ITPR2: variants seen among roughly 807,000 people sequenced by gnomAD.
ITPR2 encodes the protein inositol 1,4,5-trisphosphate receptor type 2.
In ITPR2, 207 loss-of-function variants were observed where a neutral mutation model predicts 317.1. The ratio of observed to expected loss-of-function variants is 0.65; its 90% CI spans 0.58 to 0.73. The LOEUF (loss-of-function observed/expected upper bound fraction) is 0.73, where lower values mean the gene tolerates loss of function less well. Ranked by LOEUF, ITPR2 falls within the 30% of genes least tolerant of loss-of-function variation. The probability of loss-of-function intolerance (pLI) is 0.00; values close to 1 mark genes in which losing one functional copy is unlikely to be tolerated. For synonymous variants in ITPR2, 1,156 were observed against 1,149.1 expected (o/e 1.01, Z -0.12); for missense variants, 2,613 against 3,284.0 (o/e 0.80, Z 4.99).
At chr12:26,789,064 G>T (rs1355788230) in intron 2 of ITPR2, among the ~76,000 whole-genome samples, 2 of 152,146 alleles carry the variant, frequency 1.3e-5, no homozygotes, top group Non-Finnish European at 1.5e-5. Context: ...CTTGCCCAGG[G>T]TTAGGAGAGT....
At chr12:26,383,771 C>G (rs1377102113) in intron 55 of ITPR2, among the ~76,000 whole-genome samples, 2 of 151,658 alleles carry the variant, frequency 1.3e-5, no homozygotes, top group Non-Finnish European at 1.5e-5. Flanking sequence ...GCTGGGATTA[C>G]AGGCGTGAGC....
In ITPR2 at chr12:26,499,227, G is replaced by A. The variant is rs1025132687; in HGVS notation, c.5074-3967C>T. 9.2e-5 allele frequency among the ~76,000 whole-genome samples: 14 copies of A among 152,000 alleles called. No individual in the cohort carries two copies. In the East Asian group the frequency reaches 1.2e-3, roughly 13 times the overall value. On this transcript the variant is annotated intron_variant, in intron 37 of 56. Coordinates refer to ENST00000381340, the MANE Select transcript of ITPR2 (RefSeq NM_002223.4). ...TTGTGATTATTTTTAAATTCTCTTC[G>A]GCAGATATAATCACAGTGCCTATCA...
At chr12:26,340,099 T>C (rs1326818575) in intron 56 of ITPR2, 68 bp downstream of exon 56, 3 of 1,443,684 alleles carry the variant, frequency 2.1e-6, no homozygotes, top group Non-Finnish European at 2.8e-6. Flanking sequence ...CTGGACCCTC[T>C]GTCTCCCCTC....
At position 26,340,464 on chromosome 12, in the gene ITPR2, G is replaced by C. The variant is rs567909489; in HGVS notation, c.7858-136C>G. The C allele has an allele frequency of 1.1e-4, 97 of 896,622 alleles. No individual in the cohort carries two copies. In the African/African-American group the frequency reaches 1.4e-3, roughly 13 times the overall value. The allele number at this position is 896,622 out of a possible 1,614,324, so 55.5% of individuals were successfully genotyped here. A position where few individuals can be genotyped will look rare whatever the true frequency, so the allele number is the denominator to read the frequency against. On this transcript the variant is annotated intron_variant, in intron 55 of 56. Coordinates refer to ENST00000381340, the MANE Select transcript of ITPR2 (RefSeq NM_002223.4). Reference sequence around the variant, plus strand: ...GGAGAGAGAAAACCTGGCATAGGGAGGGGCTGAAGTAGGGCTTAGACACTG... The same window carrying C: ...GGAGAGAGAAAACCTGGCATAGGGACGGGCTGAAGTAGGGCTTAGACACTG...
At chr12:26,624,869 A>G (rs1946584594) in intron 23 of ITPR2, among the ~76,000 whole-genome samples, 1 of 152,224 alleles carries the variant, frequency 6.6e-6, no homozygotes, top group African/African-American at 2.4e-5. Context: ...TTGTATGTCA[A>G]AGAGATATCT....
chr12:26,800,614 G>A (rs985598152), intron 1 of ITPR2, among the ~76,000 whole-genome samples: 2 of 152,104 alleles, frequency 1.3e-5, no homozygotes, highest in African/African-American at 4.8e-5. Flanking sequence ...AATATGGCCA[G>A]ATAGATTTAG....
At chr12:26,606,333 G>A (rs1173309738) in intron 26 of ITPR2, among the ~76,000 whole-genome samples, 2 of 152,164 alleles carry the variant, frequency 1.3e-5, no homozygotes, top group Non-Finnish European at 2.9e-5. Flanking sequence ...ATCATCTAGA[G>A]AACCTAAATT....
intron 55 of ITPR2, among the ~76,000 whole-genome samples, chr12:26,370,443 G>A (rs1027057661): frequency 3.9e-5 from 6 of 151,998 alleles, no homozygotes; most frequent in Admixed American, 2.6e-4. Context: ...TAATGAGAAG[G>A]GAGTGTTTTA....
At chr12:26,616,813 A>G (rs1354465872) in intron 26 of ITPR2, among the ~76,000 whole-genome samples, 1 of 152,024 alleles carries the variant, frequency 6.6e-6, no homozygotes, top group African/African-American at 2.4e-5. Flanking sequence ...AGCAAGACCA[A>G]CCCTCCCTCT....
At chr12:26,616,928 C>T (rs10743588) in intron 26 of ITPR2, among the ~76,000 whole-genome samples, 114,130 of 152,088 alleles carry the variant, frequency 0.75, 43,212 homozygotes, top group East Asian at 0.95. Flanking sequence ...CTTTTCCTTA[C>T]GATTTTCTTA....
chr12:26,624,403 G>GGATAAA, intron 23 of ITPR2, 47 bp from the exon 24 acceptor site: 2 of 1,332,372 alleles, frequency 1.5e-6, no homozygotes. Flanking sequence ...ATTTTAATTA[G>GGATAAA]GAGCCATAAT....
chr12:26,751,684 G>A (rs1437773719), intron 2 of ITPR2, among the ~76,000 whole-genome samples: 1 of 152,058 alleles, frequency 6.6e-6, no homozygotes, highest in African/African-American at 2.4e-5. Flanking sequence ...CTAGCAATAT[G>A]GTGAAACCCC....
chr12:26,555,477 A>G (rs146539414), intron 36 of ITPR2, among the ~76,000 whole-genome samples: 85 of 152,122 alleles, frequency 5.6e-4, no homozygotes, highest in Middle Eastern at 6.8e-3. Context: ...CCCCTCAATA[A>G]CGTGCCCTCC....
At chr12:26,438,026 C>A (rs1447994147) in intron 47 of ITPR2, among the ~76,000 whole-genome samples, 1 of 152,152 alleles carries the variant, frequency 6.6e-6, no homozygotes, top group East Asian at 1.9e-4. Flanking sequence ...TGGTCTCGAT[C>A]TCCTGACCTC....
intron 55 of ITPR2, among the ~76,000 whole-genome samples, chr12:26,353,133 CA>C (rs1413553898): frequency 6.6e-6 from 1 of 152,188 alleles, no homozygotes; most frequent in Admixed American, 6.5e-5. Flanking sequence ...CCTAATACAA[CA>C]AAGATGCTTC....
At chr12:26,679,956 T>C (rs1461195479) in intron 13 of ITPR2, among the ~76,000 whole-genome samples, 1 of 151,956 alleles carries the variant, frequency 6.6e-6, no homozygotes, top group Non-Finnish European at 1.5e-5. Context: ...AATATGCAAA[T>C]GTTTATATAA....
At chr12:26,709,453 A>T (rs1292300200) in intron 9 of ITPR2, among the ~76,000 whole-genome samples, 1 of 152,200 alleles carries the variant, frequency 6.6e-6, no homozygotes, top group African/African-American at 2.4e-5. Flanking sequence ...CTTTTCAAGG[A>T]ATGATTTGCT....
In ITPR2 at chr12:26,579,968, C is replaced by A. The variant is rs1945359581; in HGVS notation, c.4509+59G>T. 4.0e-6 allele frequency: 6 copies of A among 1,492,940 alleles called. No homozygotes were observed. The East Asian group carries it at 1.4e-4, about 34-fold the overall frequency. 92.5% of individuals were successfully genotyped at this position (1,492,940 alleles called of 1,614,324 possible). A position where few individuals can be genotyped will look rare whatever the true frequency, so the allele number is the denominator to read the frequency against. On this transcript the variant is annotated intron_variant, in intron 33 of 56. Transcript: ENST00000381340. ...ATGACTTCCTGACCAGAAAAAATTT[C>A]TCCTACTCAAATAAGAGAAACTCTT... is the stretch of plus-strand genomic sequence containing the variant.
chr12:26,754,742 A>C (rs573113520), intron 2 of ITPR2, among the ~76,000 whole-genome samples: 1 of 152,236 alleles, frequency 6.6e-6, no homozygotes, highest in Non-Finnish European at 1.5e-5. Flanking sequence ...CTAAAGTTAA[A>C]GGGGTATTAT....
Sources: gnomAD v4.1 joint callset for allele counts (sites outside exome capture counted in the v4.1 genomes callset) on GRCh38, gnomAD v4.1.1 for gene constraint, MANE v1.5 for transcripts, NCBI Gene and HGNC (gene_info 2026-07-23, HGNC 2026-07-21) for gene names.